The following DISP3 variants were observed in gnomAD, a reference collection of about 807,000 sequenced individuals.
DISP3 encodes dispatched RND transporter family member 3.
A neutral mutation model predicts 135.3 loss-of-function variants in DISP3; 101 were observed. That is an observed-to-expected ratio of 0.75 (90% CI 0.64 to 0.88). The LOEUF (loss-of-function observed/expected upper bound fraction) is 0.88, where lower values mean the gene tolerates loss of function less well. Among genes scored for constraint, DISP3 ranks in the 40% least tolerant of loss-of-function variants. The pLI, the probability that DISP3 is intolerant of heterozygous loss-of-function variation, is 0.00. For missense variants in DISP3, 1,713 were observed against 1,878.6 expected (o/e 0.91, Z 1.63); for synonymous variants, 856 against 817.0 (o/e 1.05, Z -0.81).
chr1:11,516,214 C>G lies in DISP3; in HGVS notation c.1749+53C>G, dbSNP rs1642008676. The G allele has an allele frequency of 1.3e-6, 2 of 1,581,158 alleles. No individual in the cohort carries two copies. The highest frequency in any genetic ancestry group is 1.2e-5 in the South Asian group (1 of 85,850). ...TGGCCTCCCACACGCTCATGCATAC[C>G]TAGCCGCTGGTCTCTGCCCTTCCCA... On this transcript the variant is annotated intron_variant, in intron 6 of 20. Coordinates refer to ENST00000294484, the MANE Select transcript of DISP3 (RefSeq NM_020780.2). This position sits in a 1 kb window ranked among gnomAD's most constrained non-coding sequence, Gnocchi z 5.1.
At position 11,534,416 on chromosome 1, in the gene DISP3, C is replaced by T; in HGVS notation, c.3411C>T (p.Tyr1137=). The change falls in exon 18 of 21, where the codon TAC becomes TAT. Residue 1137 remains tyrosine (Y), a synonymous_variant. Coordinates refer to ENST00000294484, the MANE Select transcript of DISP3 (RefSeq NM_020780.2). ...TYKGKSSFQT[Y]SDYLRWESFL... ...AGGGCAAATCCTCCTTCCAGACCTA[C>T]TCGGACTACCTGCGCTGGGAGAGCT... The T allele has an allele frequency of 6.2e-7, 1 of 1,614,248 alleles. No individual in the cohort carries two copies. The highest frequency in any genetic ancestry group is 8.5e-7 in the Non-Finnish European group (1 of 1,180,042).
At chr1:11,517,674 A>T in intron 7 of DISP3, 72 bp downstream of exon 7, 3 of 1,555,492 alleles carry the variant, frequency 1.9e-6, no homozygotes, top group Non-Finnish European at 1.7e-6. Flanking sequence ...CAGTGCAGCA[A>T]CCTCTCTTCC....
intron 1 of DISP3, among the ~76,000 whole-genome samples, chr1:11,479,950 G>T (rs1640846824): frequency 6.6e-6 from 1 of 152,162 alleles, no homozygotes; most frequent in Non-Finnish European, 1.5e-5. Context: ...CGATGGATCC[G>T]CGCGCGCGAG....
chr1:11,501,290 G>A lies in DISP3; in HGVS notation c.298G>A (p.Asp100Asn). Residue 100 changes from aspartate (D) to asparagine (N), a missense_variant, in exon 2 of 21, where the codon GAC (aspartate) becomes AAC (asparagine). Physicochemically the swap from Asp to Asn is conservative, Grantham distance 23 (BLOSUM62 1). Transcript: ENST00000294484. This position sits in a 1 kb window ranked among gnomAD's most constrained non-coding sequence, Gnocchi z 4.9. ...CATGTTCCTTTACTACCCACCGCTG[G>A]ACATTGACATCTCCTACAACGCCTT... is the stretch of plus-strand genomic sequence containing the variant. ...AFMFLYYPPL[D>N]IDISYNAFEI... The A allele has an allele frequency of 6.2e-7, 1 of 1,614,068 alleles. No homozygotes were observed.
intron 1 of DISP3, among the ~76,000 whole-genome samples, chr1:11,497,505 C>T (rs1449112286): frequency 6.6e-6 from 1 of 152,196 alleles, no homozygotes; most frequent in Non-Finnish European, 1.5e-5. Flanking sequence ...TCTCTTGCCT[C>T]AGCCCCCCGA....
intron 7 of DISP3, among the ~76,000 whole-genome samples, chr1:11,518,964 C>T (rs1413059681): frequency 6.6e-6 from 1 of 152,172 alleles, no homozygotes; most frequent in Non-Finnish European, 1.5e-5. Context: ...CACGCAGCTA[C>T]ACCCTCAGCC....
chr1:11,497,869 T>A (rs4846012), intron 1 of DISP3, among the ~76,000 whole-genome samples: 4 of 152,080 alleles, frequency 2.6e-5, no homozygotes, highest in Admixed American at 6.5e-5. Flanking sequence ...ATTGAATACC[T>A]CACCCAAGTT....
intron 1 of DISP3, among the ~76,000 whole-genome samples, chr1:11,484,551 T>A (rs937004102): frequency 1.2e-4 from 19 of 152,312 alleles, no homozygotes; most frequent in African/African-American, 4.3e-4. Context: ...GGTCTGGGTA[T>A]GTTTCTCCCT....
intron 10 of DISP3, among the ~76,000 whole-genome samples, chr1:11,523,675 CAGAG>C (rs939356660): frequency 6.6e-6 from 1 of 151,898 alleles, no homozygotes; most frequent in African/African-American, 2.4e-5. Context: ...CAGAGTGGCA[CAGAG>C]AGGGCGAGCA....
chr1:11,480,384 C>G (rs1640864844), intron 1 of DISP3, among the ~76,000 whole-genome samples: 2 of 152,126 alleles, frequency 1.3e-5, no homozygotes, highest in Admixed American at 1.3e-4. Flanking sequence ...GAAAACAGTC[C>G]ACACACATAC....
In DISP3 at chr1:11,522,063, C is replaced by T. The variant is rs554251763; in HGVS notation, c.2362+1215C>T. Reference sequence around the variant, plus strand: ...AGGTGGTTTCCATAGGACTTGGTGACGGAGTGGGAGTCGGGAATGAGCCAG... The same window carrying T: ...AGGTGGTTTCCATAGGACTTGGTGATGGAGTGGGAGTCGGGAATGAGCCAG... On this transcript the variant is annotated intron_variant, in intron 10 of 20. Coordinates refer to ENST00000294484, the MANE Select transcript of DISP3 (RefSeq NM_020780.2). Among the ~76,000 whole-genome samples the T allele has an allele frequency of 7.2e-5, 11 of 152,096 alleles. No individual in the cohort carries two copies. In the East Asian group the frequency reaches 1.9e-3, roughly 27 times the overall value.
chr1:11,514,347 C>A, intron 3 of DISP3, 43 bp from the exon 4 acceptor site: 1 of 1,568,614 alleles, frequency 6.4e-7, no homozygotes, highest in Non-Finnish European at 8.8e-7. Context: ...CATCTCTAAT[C>A]CTCTTCCTGT....
intron 3 of DISP3, among the ~76,000 whole-genome samples, chr1:11,511,189 C>T (rs1641847169): frequency 6.6e-6 from 1 of 152,164 alleles, no homozygotes; most frequent in Admixed American, 6.5e-5. Context: ...ATTCTCATGT[C>T]CTCACATTTT....
At chr1:11,486,941 T>A (rs954211883) in intron 1 of DISP3, among the ~76,000 whole-genome samples, 1 of 152,212 alleles carries the variant, frequency 6.6e-6, no homozygotes, top group Admixed American at 6.5e-5. Context: ...GGCCTCCCAC[T>A]GTGCTGGGGT....
Position 11,519,596 on chromosome 1 carries a change from C to G in DISP3, c.2038+93C>G, listed in dbSNP as rs1283769609. ...AACACTTGACAAGTTGGTCCTGAGG[C>G]TGGGGGCCGGACAAGATGGCCTGTG... On this transcript the variant is annotated intron_variant, in intron 8 of 20. Coordinates refer to ENST00000294484, the MANE Select transcript of DISP3 (RefSeq NM_020780.2). This position sits in a 1 kb window ranked among gnomAD's most constrained non-coding sequence, Gnocchi z 4.3. The G allele has an allele frequency of 6.4e-7, 1 of 1,574,760 alleles. No individual in the cohort carries two copies. Among genetic ancestry groups the G allele is most frequent in the Non-Finnish European group, 8.6e-7 (1 of 1,158,902 alleles).
intron 3 of DISP3, 64 bp from the exon 4 acceptor site, chr1:11,514,326 A>G (rs1641940186): frequency 2.0e-6 from 3 of 1,519,822 alleles, no homozygotes; most frequent in Non-Finnish European, 2.7e-6. Flanking sequence ...ACATGTTCAC[A>G]TGTTCACAGC....
chr1:11,532,021 G>A (rs569445965), intron 17 of DISP3, among the ~76,000 whole-genome samples: 2 of 152,338 alleles, frequency 1.3e-5, no homozygotes, highest in East Asian at 1.9e-4. Context: ...AGGGGCCGGT[G>A]GAAGTCCAGG....
intron 1 of DISP3, among the ~76,000 whole-genome samples, chr1:11,498,825 C>A (rs934033645): frequency 2.0e-5 from 3 of 152,094 alleles, no homozygotes; most frequent in Non-Finnish European, 2.9e-5. Context: ...ACTGTTATAC[C>A]CGTTCTGCAG....
intron 3 of DISP3, among the ~76,000 whole-genome samples, chr1:11,503,163 T>C (rs1641601388): frequency 6.6e-6 from 1 of 152,154 alleles, no homozygotes; most frequent in Admixed American, 6.5e-5. Context: ...TGGGTATTGA[T>C]TTTTCTCCTG....
Sources: gnomAD v4.1 joint callset for allele counts (sites outside exome capture counted in the v4.1 genomes callset) on GRCh38, gnomAD v4.1.1 for gene constraint, Gnocchi (gnomAD v3.1) non-coding constraint, MANE v1.5 for transcripts, NCBI Gene and HGNC (gene_info 2026-07-23, HGNC 2026-07-21) for gene names.